MAML1: variants seen among roughly 807,000 people sequenced by gnomAD.
MAML1 encodes mastermind like transcriptional coactivator 1.
Under a neutral mutation model 77.1 loss-of-function variants are expected in MAML1, and 14 were observed. The observed-to-expected ratio is 0.18, with a 90% CI of 0.12 to 0.28. The LOEUF (loss-of-function observed/expected upper bound fraction) is 0.28. MAML1 is among the 10% of genes least tolerant of loss of function. The pLI, the probability that MAML1 is intolerant of heterozygous loss-of-function variation, is 1.00. For missense variants in MAML1, 1,217 were observed against 1,327.8 expected, an observed-to-expected ratio of 0.92 and a Z score of 1.30; for synonymous variants, 516 against 551.9, an observed-to-expected ratio of 0.93 and a Z score of 0.91.
intron 1 of MAML1, among the ~76,000 whole-genome samples, chr5:179,755,311 T>G (rs904132962): frequency 1.3e-5 from 2 of 152,192 alleles, no homozygotes; most frequent in African/African-American, 4.8e-5. Flanking sequence ...TGACCTTGAC[T>G]GTAGCAGTGG....
At chr5:179,746,170 A>G (rs1170768855) in intron 1 of MAML1, among the ~76,000 whole-genome samples, 5 of 148,200 alleles carry the variant, frequency 3.4e-5, no homozygotes, top group African/African-American at 1.2e-4. Context: ...ACATGGCGAA[A>G]CCCCGTCTCT....
rs773564224 is a variant in MAML1 at position 179,773,912 on chromosome 5, C to T, written c.2086C>T (p.Pro696Ser). ...TCTTGTAGGGTCCTCTGCTGCCGTG[C>T]CCGGCATGAACACCTTGGGTCCATC... is the stretch of plus-strand genomic sequence containing the variant. ...GQFTGSSAAV[P>S]GMNTLGPSNS... Residue 696 changes from proline (P) to serine (S), a missense_variant, in exon 5 of 5, where the codon CCC (proline) becomes TCC (serine). By Grantham distance (74) the Pro-to-Ser change is moderately conservative (BLOSUM62 -1). Transcript: ENST00000292599. The T allele has an allele frequency of 3.3e-5, 53 of 1,613,066 alleles. No individual in the cohort carries two copies. The highest frequency in any genetic ancestry group is 4.4e-5 in the Non-Finnish European group (52 of 1,179,238).
intron 1 of MAML1, among the ~76,000 whole-genome samples, chr5:179,752,336 A>G: frequency 1.6e-5 from 1 of 63,922 alleles, no homozygotes; most frequent in Non-Finnish European, 3.5e-5. Context: ...AAAAAAAAAA[A>G]AAAAAAAAAA....
rs1034078568 is a variant in MAML1 at position 179,776,210 on chromosome 5, A to G, written c.*1333A>G. Reference sequence around the variant, plus strand: ...CACAGAATGGTGGAGAGAAAAGAGAATGCTGAAAAGTGGCTCAGATGCAGA... The same window carrying G: ...CACAGAATGGTGGAGAGAAAAGAGAGTGCTGAAAAGTGGCTCAGATGCAGA... On this transcript the variant is annotated 3_prime_UTR_variant, in exon 5 of 5. Coordinates refer to ENST00000292599, the MANE Select transcript of MAML1 (RefSeq NM_014757.5). 1 of 985,804 alleles carries G rather than the reference A, an allele frequency of 1.0e-6. No individual in the cohort carries two copies. The highest frequency in any genetic ancestry group is 1.7e-5 in the African/African-American group (1 of 57,250). 61.1% of individuals were successfully genotyped at this position (985,804 alleles called of 1,614,324 possible). A position where few individuals can be genotyped will look rare whatever the true frequency, so the allele number is the denominator to read the frequency against.
intron 1 of MAML1, among the ~76,000 whole-genome samples, chr5:179,744,883 A>G (rs1779349959): frequency 6.6e-6 from 1 of 152,088 alleles, no homozygotes; most frequent in Admixed American, 6.6e-5. Flanking sequence ...TTTAGTACAA[A>G]ACAACGCATG....
intron 1 of MAML1, among the ~76,000 whole-genome samples, chr5:179,738,446 T>A (rs1312553049): frequency 2.6e-5 from 4 of 152,232 alleles, no homozygotes; most frequent in Non-Finnish European, 5.9e-5. Flanking sequence ...TTAGTTTTTT[T>A]AAAAAGATGA....
In MAML1 at chr5:179,760,951, C is replaced by T. The variant is rs528926574; in HGVS notation, c.316-4375C>T. On this transcript the variant is annotated intron_variant, in intron 1 of 4. Transcript: ENST00000292599. The stretch of plus-strand genomic sequence containing the variant: ...CTAAAAATACAAAAACAAAGTTAGC[C>T]GGGCGTGGTGGCAGGCGCCTGTAGT... 1.6e-4 allele frequency among the ~76,000 whole-genome samples: 24 copies of T among 152,118 alleles called. No individual in the cohort carries two copies. The East Asian group carries it at 2.1e-3, about 14-fold the overall frequency.
intron 2 of MAML1, among the ~76,000 whole-genome samples, 160 bp from the exon 3 acceptor site, chr5:179,768,690 C>T (rs778529786): frequency 6.6e-6 from 1 of 152,204 alleles, no homozygotes; most frequent in East Asian, 1.9e-4. Context: ...GATGTCATCA[C>T]TTTTGGTCTG....
intron 1 of MAML1, among the ~76,000 whole-genome samples, chr5:179,734,307 C>T (rs1779125689): frequency 6.6e-6 from 1 of 152,174 alleles, no homozygotes; most frequent in South Asian, 2.1e-4. Flanking sequence ...GTGCCTGTCC[C>T]TAGCTAACTA....
At chr5:179,734,399 C>T (rs906311380) in intron 1 of MAML1, among the ~76,000 whole-genome samples, 4 of 152,138 alleles carry the variant, frequency 2.6e-5, no homozygotes, top group Non-Finnish European at 5.9e-5. Flanking sequence ...GGATGAAGTT[C>T]AAAGTCTTTA....
Position 179,736,569 on chromosome 5 carries a change from T to C in MAML1, c.315+3142T>C, listed in dbSNP as rs1477180361. 2.0e-5 allele frequency among the ~76,000 whole-genome samples: 3 copies of C among 152,298 alleles called. No homozygotes were observed. The East Asian group carries it at 5.8e-4, about 29-fold the overall frequency. ...CTTGGCCTGTGTAAGGAAGGACTTTTAAGAGTAGTTCGTGGTCATTGCAAT... is the reference window on the plus strand; with the variant it reads ...CTTGGCCTGTGTAAGGAAGGACTTTCAAGAGTAGTTCGTGGTCATTGCAAT... On this transcript the variant is annotated intron_variant, in intron 1 of 4. Transcript: ENST00000292599.
At chr5:179,740,793 C>T (rs72809785) in intron 1 of MAML1, among the ~76,000 whole-genome samples, 4 of 152,058 alleles carry the variant, frequency 2.6e-5, no homozygotes, top group Non-Finnish European at 5.9e-5. Flanking sequence ...CTTTGTTTTG[C>T]GGGCAGGAGA....
chr5:179,745,627 G>A (rs953762320), intron 1 of MAML1, among the ~76,000 whole-genome samples: 81 of 151,676 alleles, frequency 5.3e-4, no homozygotes, highest in African/African-American at 1.8e-3. Context: ...TTGGGAGGCC[G>A]AGGCGGGCAG....
chr5:179,758,258 A>C (rs536326621), intron 1 of MAML1, among the ~76,000 whole-genome samples: 1 of 152,304 alleles, frequency 6.6e-6, no homozygotes, highest in East Asian at 1.9e-4. Context: ...TTTAGTTCTT[A>C]TCATGCTGAG....
intron 1 of MAML1, among the ~76,000 whole-genome samples, chr5:179,755,199 T>C (rs2113360123): frequency 6.6e-6 from 1 of 152,342 alleles, no homozygotes. Context: ...CGAACAGCAC[T>C]TAGCCTGTAG....
chr5:179,765,487 C>A lies in MAML1; in HGVS notation c.477C>A (p.Ser159=). ...AISSNGLPPA[S]PLGQSDKPSG... is the part of the protein sequence containing the mutation. Reference sequence around the variant, plus strand: ...CTTCCAATGGACTGCCTCCAGCCTCCCCCCTCGGTCAGTCTGACAAGCCTT... The same window carrying A: ...CTTCCAATGGACTGCCTCCAGCCTCACCCCTCGGTCAGTCTGACAAGCCTT... The change falls in exon 2 of 5, where the codon TCC becomes TCA. Residue 159 remains serine (S), a synonymous_variant. Transcript: ENST00000292599. The A allele has an allele frequency of 1.9e-6, 3 of 1,614,146 alleles. No individual in the cohort carries two copies. The highest frequency in any genetic ancestry group is 2.5e-6 in the Non-Finnish European group (3 of 1,180,010).
chr5:179,750,124 A>G (rs1403075104), intron 1 of MAML1, among the ~76,000 whole-genome samples: 1 of 152,246 alleles, frequency 6.6e-6, no homozygotes, highest in African/African-American at 2.4e-5. Context: ...CCGCTTTAAT[A>G]TTAATCATCT....
At chr5:179,738,297 A>G (rs1779212740) in intron 1 of MAML1, among the ~76,000 whole-genome samples, 1 of 152,064 alleles carries the variant, frequency 6.6e-6, no homozygotes, top group Non-Finnish European at 1.5e-5. Context: ...AAACCACCCC[A>G]TGTGTACCTT....
intron 1 of MAML1, among the ~76,000 whole-genome samples, chr5:179,748,950 G>T (rs191257556): frequency 0.045 from 4,816 of 107,790 alleles, 105 homozygotes; most frequent in South Asian, 0.068. Flanking sequence ...AGGTGTTTTT[G>T]TTTTTTTTTT....
Sources: gnomAD v4.1 joint callset for allele counts (sites outside exome capture counted in the v4.1 genomes callset) on GRCh38, gnomAD v4.1.1 for gene constraint, MANE v1.5 for transcripts, NCBI Gene and HGNC (gene_info 2026-07-23, HGNC 2026-07-21) for gene names.